ORC2: variants seen among roughly 807,000 people sequenced by gnomAD.
The protein encoded by ORC2 is origin recognition complex protein 2 homolog.
In ORC2, 37 loss-of-function variants were observed where a neutral mutation model predicts 77.7. The observed-to-expected ratio is 0.48, with a 90% CI of 0.37 to 0.63. The LOEUF is 0.63. ORC2 is among the 20% of genes least tolerant of loss of function. The pLI is 0.00. For missense variants in ORC2, 557 were observed against 661.9 expected, an observed-to-expected ratio of 0.84 and a Z score of 1.74; for synonymous variants, 201 against 229.5, an observed-to-expected ratio of 0.88 and a Z score of 1.12.
intron 2 of ORC2, 25 bp downstream of exon 2, chr2:200,959,367 A>G (rs1343731371): frequency 6.6e-6 from 1 of 152,234 alleles, no homozygotes; most frequent in Non-Finnish European, 1.5e-5. Flanking sequence ...ACATGCTTAA[A>G]TGACTTCTTT....
Position 200,948,616 on chromosome 2 carries a change from G to A in ORC2, c.328+938C>T, listed in dbSNP as rs1407860198. The stretch of plus-strand genomic sequence containing the variant: ...CTTGTTCTGTCACCCAGGCTGGAGT[G>A]CAATGGCACAATCTCGGCTCACTGC... On this transcript the variant is annotated intron_variant, in intron 5 of 17. Coordinates refer to ENST00000234296, the MANE Select transcript of ORC2 (RefSeq NM_006190.5). Among the ~76,000 whole-genome samples the A allele has an allele frequency of 2.6e-5, 4 of 152,070 alleles. No homozygotes were observed. In the South Asian group the frequency reaches 6.2e-4, roughly 24 times the overall value.
intron 10 of ORC2, among the ~76,000 whole-genome samples, chr2:200,932,334 C>CTTTTTTTTT (rs869076427): frequency 8.3e-6 from 1 of 120,166 alleles, no homozygotes. Context: ...TCATTTCAAA[C>CTTTTTTTTT]TTTTTTTTTT....
chr2:200,919,596 T>G (rs999948582), intron 15 of ORC2, among the ~76,000 whole-genome samples: 8 of 152,230 alleles, frequency 5.3e-5, no homozygotes, highest in Non-Finnish European at 1.0e-4. Context: ...TGACCTCAAG[T>G]GACCCACCTG....
chr2:200,943,203 T>A (rs2041187211), intron 5 of ORC2: 1 of 153,198 alleles, frequency 6.5e-6, no homozygotes, highest in Non-Finnish European at 1.5e-5. Flanking sequence ...ATCTTTTAAA[T>A]CTTCCATAAA....
chr2:200,957,388 C>G lies in ORC2; in HGVS notation c.238+13G>C. On this transcript the variant is annotated intron_variant, in intron 4 of 17. Transcript: ENST00000234296. Reference sequence around the variant, plus strand: ...CTAGCAGAAACGAGTGTATATTTCACCCCCTCAAATACCTTGAACATCTCT... The same window carrying G: ...CTAGCAGAAACGAGTGTATATTTCAGCCCCTCAAATACCTTGAACATCTCT... 6.5e-7 allele frequency: 1 copy of G among 1,546,072 alleles called. No individual in the cohort carries two copies. The highest frequency in any genetic ancestry group is 2.0e-5 in the Admixed American group (1 of 51,184).
At chr2:200,919,196 A>ATT (rs1450700554) in intron 15 of ORC2, among the ~76,000 whole-genome samples, 4 of 152,202 alleles carry the variant, frequency 2.6e-5, no homozygotes, top group African/African-American at 4.8e-5. Flanking sequence ...CCACCCAAGA[A>ATT]CACAATATTT....
chr2:200,924,329 A>G (rs1575157680), intron 13 of ORC2, among the ~76,000 whole-genome samples: 3 of 152,136 alleles, frequency 2.0e-5, no homozygotes, highest in East Asian at 3.9e-4. Context: ...CCTGGGTGAG[A>G]GAGCAAGACT....
In ORC2 at chr2:200,949,639, T is replaced by C. The variant is rs1272073054; in HGVS notation, c.243A>G (p.Ser81=). The change falls in exon 5 of 18, where the codon TCA becomes TCG. Residue 81 remains serine, a synonymous_variant. Transcript: ENST00000234296. ...VEIMGRDVQE[S]LKNGSATGGG... ...CACCTGTAGCAGAGCCATTTTTCAATGATTCTGAAAGAAAAAAATGCAATA... is the reference window on the plus strand; with the variant it reads ...CACCTGTAGCAGAGCCATTTTTCAACGATTCTGAAAGAAAAAAATGCAATA... 1.3e-6 allele frequency: 2 copies of C among 1,579,444 alleles called. No homozygotes were observed. The highest frequency in any genetic ancestry group is 2.2e-5 in the East Asian group (1 of 44,460).
rs537571527 is a variant in ORC2, at chr2:200,950,697, T to C, written c.239-1054A>G. 4.6e-5 allele frequency among the ~76,000 whole-genome samples: 7 copies of C among 152,344 alleles called. No homozygotes were observed. The South Asian group carries it at 8.3e-4, about 18-fold the overall frequency. The stretch of plus-strand genomic sequence containing the variant: ...AAACAATGCCCTCCTCATTAAGTTA[T>C]TGAAAGTTGTTTTCATTTAAATATA... On this transcript the variant is annotated intron_variant, in intron 4 of 17. Transcript: ENST00000234296.
At chr2:200,916,944 T>G (rs889448929) in intron 15 of ORC2, among the ~76,000 whole-genome samples, 3 of 150,870 alleles carry the variant, frequency 2.0e-5, no homozygotes, top group Non-Finnish European at 4.4e-5. Context: ...TCTGCCCGCC[T>G]TGGCCTCACA....
chr2:200,913,197 T>C lies in ORC2; in HGVS notation c.1647+98A>G, dbSNP rs1404487503. On this transcript the variant is annotated intron_variant, in intron 17 of 17. Coordinates refer to ENST00000234296, the MANE Select transcript of ORC2 (RefSeq NM_006190.5). Reference sequence around the variant, plus strand: ...AATCTCTGTGACTCAACAGGGAACATCAGTTTCAAAATCAGGTCTAAGTCA... The same window carrying C: ...AATCTCTGTGACTCAACAGGGAACACCAGTTTCAAAATCAGGTCTAAGTCA... The C allele has an allele frequency of 7.4e-6, 6 of 807,548 alleles. No individual in the cohort carries two copies. In the East Asian group the frequency reaches 2.1e-4, roughly 29 times the overall value. 50.0% of individuals were successfully genotyped at this position (807,548 alleles called of 1,614,324 possible).
intron 5 of ORC2, among the ~76,000 whole-genome samples, chr2:200,945,821 T>C (rs2041240591): frequency 2.0e-5 from 3 of 152,208 alleles, no homozygotes; most frequent in Admixed American, 2.0e-4. Context: ...ACATTTAGCT[T>C]GATTCCATAT....
rs995646441 is a variant in ORC2 at position 200,959,387 on chromosome 2, T to C, written c.-11+5A>G. On this transcript the variant is annotated splice_donor_5th_base_variant and intron_variant, in intron 2 of 17. Transcript: ENST00000234296. ...CTTAAATGACTTCTTTCAGTTTTCATTTACCTTTTAAGGTACTACACATTC... is the reference window on the plus strand; with the variant it reads ...CTTAAATGACTTCTTTCAGTTTTCACTTACCTTTTAAGGTACTACACATTC... The C allele has an allele frequency of 6.6e-6, 1 of 152,228 alleles. No individual in the cohort carries two copies. The highest frequency in any genetic ancestry group is 2.4e-5 in the African/African-American group (1 of 41,454). The allele number at this position is 152,228 out of a possible 1,614,324, so 9.4% of individuals were successfully genotyped here.
In ORC2 at chr2:200,942,678, G is replaced by A; in HGVS notation, c.421+7C>T. On this transcript the variant is annotated splice_region_variant and intron_variant, in intron 6 of 17. Transcript: ENST00000234296. Reference sequence around the variant, plus strand: ...ATTCTTTTCAAAGAACTAATGTAATGTCTTACCCTTGCTACTTTGAGGAAC... The same window carrying A: ...ATTCTTTTCAAAGAACTAATGTAATATCTTACCCTTGCTACTTTGAGGAAC... 3 of 1,536,216 alleles carry A rather than the reference G, an allele frequency of 2.0e-6. No homozygotes were observed. The highest frequency in any genetic ancestry group is 2.7e-6 in the Non-Finnish European group (3 of 1,115,670).
At chr2:200,934,809 G>C (rs1424494036) in intron 9 of ORC2, among the ~76,000 whole-genome samples, 1 of 152,152 alleles carries the variant, frequency 6.6e-6, no homozygotes, top group African/African-American at 2.4e-5. Context: ...ATTTTGGGCA[G>C]GACTAAACTC....
In ORC2 at chr2:200,921,158, C is replaced by A; in HGVS notation, c.1148-19G>T. 6.7e-7 allele frequency: 1 copy of A among 1,496,452 alleles called. No homozygotes were observed. The highest frequency in any genetic ancestry group is 9.1e-7 in the Non-Finnish European group (1 of 1,094,600). The allele number at this position is 1,496,452 out of a possible 1,614,324, so 92.7% of individuals were successfully genotyped here. On this transcript the variant is annotated intron_variant, in intron 13 of 17. Transcript: ENST00000234296. ...GAAGAATCTAAAAAGAAAAGAAATC[C>A]AATTATTATTATTATTATTTTTAGA... is the stretch of plus-strand genomic sequence containing the variant.
At position 200,910,921 on chromosome 2, in the gene ORC2, C is replaced by A. The variant is rs16835522; in HGVS notation, c.*380G>T. 2.8e-3 allele frequency: 459 copies of A among 166,864 alleles called. 10 individuals are homozygous for A. The highest frequency in any genetic ancestry group is 0.018 in the East Asian group (116 of 6,274). 10.3% of individuals were successfully genotyped at this position (166,864 alleles called of 1,614,324 possible). On this transcript the variant is annotated 3_prime_UTR_variant, in exon 18 of 18. Transcript: ENST00000234296. ...GTCTTTATACTTCCACACTCTGGAA[C>A]AAACACACTTGCAAACAATCAGCTC...
chr2:200,913,798 C>G, intron 16 of ORC2, 133 bp downstream of exon 16: 1 of 1,417,920 alleles, frequency 7.1e-7, no homozygotes, highest in South Asian at 1.7e-5. Flanking sequence ...TGCTATGTGG[C>G]AGACATACCC....
At position 200,913,281 on chromosome 2, in the gene ORC2, T is replaced by G. The variant is rs377357388; in HGVS notation, c.1647+14A>C. 1 of 1,567,996 alleles carries G rather than the reference T, an allele frequency of 6.4e-7. No homozygotes were observed. The highest frequency in any genetic ancestry group is 1.4e-5 in the African/African-American group (1 of 73,506). On this transcript the variant is annotated intron_variant, in intron 17 of 17. Coordinates refer to ENST00000234296, the MANE Select transcript of ORC2 (RefSeq NM_006190.5). ...CTATTCCTGGCATACAATGCTACAATAGTGGAGTCTTACCTTCTTTGTTCT... is the reference window on the plus strand; with the variant it reads ...CTATTCCTGGCATACAATGCTACAAGAGTGGAGTCTTACCTTCTTTGTTCT...
Sources: allele counts gnomAD v4.1 joint callset (sites outside exome capture counted in the v4.1 genomes callset), GRCh38; gene constraint gnomAD v4.1.1; transcripts MANE v1.5; gene names NCBI Gene and HGNC (gene_info 2026-07-23, HGNC 2026-07-21).